The following RPS6KA2 variants were observed in gnomAD, a reference collection of about 807,000 sequenced individuals.
RPS6KA2 encodes the protein ribosomal protein S6 kinase A2.
RPS6KA2 carries 42 observed loss-of-function variants against 91.8 expected under a neutral mutation model. The ratio of observed to expected loss-of-function variants is 0.46; its 90% CI spans 0.36 to 0.59. The LOEUF (loss-of-function observed/expected upper bound fraction) is 0.59. Among genes scored for constraint, RPS6KA2 ranks in the 20% least tolerant of loss-of-function variants. RPS6KA2 has a pLI of 0.00. For synonymous variants in RPS6KA2, 414 were observed against 393.6 expected, an observed-to-expected ratio of 1.05 and a Z score of -0.61; for missense variants, 798 against 978.5, an observed-to-expected ratio of 0.82 and a Z score of 2.46.
rs987888047 is a variant in RPS6KA2, at chr6:166,500,004, G to C, written c.604+883C>G. On this transcript the variant is annotated intron_variant, in intron 7 of 20. Transcript: ENST00000265678. The surrounding 1 kb of genome is among the most constrained non-coding windows in gnomAD (Gnocchi z 4.3). Reference sequence around the variant, plus strand: ...GGGTGTGCCCAACACCATTGCAAGGGTCTTCAGGTTAGGAAGGGAGGCAAG... The same window carrying C: ...GGGTGTGCCCAACACCATTGCAAGGCTCTTCAGGTTAGGAAGGGAGGCAAG... 6.6e-6 allele frequency among the ~76,000 whole-genome samples: 1 copy of C among 152,228 alleles called. No homozygotes were observed. The highest frequency in any genetic ancestry group is 1.5e-5 in the Non-Finnish European group (1 of 68,040).
At chr6:166,571,489 A>C (rs1583289754) in intron 1 of RPS6KA2, among the ~76,000 whole-genome samples, 1 of 152,274 alleles carries the variant, frequency 6.6e-6, no homozygotes, top group African/African-American at 2.4e-5. Context: ...TGAGAACCAC[A>C]AAATAGTGTG....
At chr6:166,623,012 G>A (rs931459744) in intron 1 of RPS6KA2, among the ~76,000 whole-genome samples, 2 of 152,176 alleles carry the variant, frequency 1.3e-5, no homozygotes, top group South Asian at 2.1e-4. Flanking sequence ...TAAATAAAAC[G>A]AAATTCTCCT....
chr6:166,535,823 C>A (rs1189779064), intron 2 of RPS6KA2, among the ~76,000 whole-genome samples: 3 of 152,246 alleles, frequency 2.0e-5, no homozygotes, highest in Non-Finnish European at 2.9e-5. Flanking sequence ...CCACCCATGG[C>A]CCTGCTCTCT....
intron 14 of RPS6KA2, among the ~76,000 whole-genome samples, chr6:166,442,312 C>T (rs1779543172): frequency 2.0e-5 from 3 of 152,322 alleles, no homozygotes; most frequent in East Asian, 1.9e-4. Flanking sequence ...TGGGGCTCCC[C>T]GCCTTATGAC....
intron 12 of RPS6KA2, among the ~76,000 whole-genome samples, chr6:166,457,271 C>G (rs961264943): frequency 7.9e-5 from 12 of 152,232 alleles, no homozygotes; most frequent in African/African-American, 2.7e-4. Context: ...AATATCATGA[C>G]TTGCTTGGGT....
intron 2 of RPS6KA2, among the ~76,000 whole-genome samples, chr6:166,815,758 C>T (rs1779744897): frequency 6.6e-6 from 1 of 152,086 alleles, no homozygotes; most frequent in African/African-American, 2.4e-5. Context: ...AAAGAATTGC[C>T]GGTTGAAGAT....
chr6:166,587,604 G>GAGTCTGCCCTTTTTGA (rs1420184415), intron 1 of RPS6KA2, among the ~76,000 whole-genome samples: 3 of 149,580 alleles, frequency 2.0e-5, no homozygotes, highest in African/African-American at 7.5e-5. Context: ...TTTCTTGAAC[G>GAGTCTGCCCTTTTTGA]AGTCTGCCCT....
In RPS6KA2 at chr6:166,701,980, A is replaced by G. The variant is rs1391371549; in HGVS notation, c.123+156220T>C. Reference sequence around the variant, plus strand: ...TAAGACGGCCAACAAAGTTATTTTGAGCTAAAATCTTCAAGGGGATCTCTT... The same window carrying G: ...TAAGACGGCCAACAAAGTTATTTTGGGCTAAAATCTTCAAGGGGATCTCTT... On this transcript the variant is annotated intron_variant, in intron 2 of 21. Transcript: ENST00000503859. The G allele has an allele frequency of 4.9e-6, 5 of 1,022,958 alleles. No individual in the cohort carries two copies. The Admixed American group carries it at 8.4e-5, about 17-fold the overall frequency. 63.4% of individuals were successfully genotyped at this position (1,022,958 alleles called of 1,614,324 possible). A position where few individuals can be genotyped will look rare whatever the true frequency, so the allele number is the denominator to read the frequency against.
rs1196382061 is a variant in RPS6KA2 at position 166,437,437 on chromosome 6, A to G, written c.1333-4947T>C. Among the ~76,000 whole-genome samples the G allele has an allele frequency of 6.6e-6, 1 of 152,176 alleles. No individual in the cohort carries two copies. Among genetic ancestry groups the G allele is most frequent in the Non-Finnish European group, 1.5e-5 (1 of 68,026 alleles). On this transcript the variant is annotated intron_variant, in intron 14 of 20. Coordinates refer to ENST00000265678, the MANE Select transcript of RPS6KA2 (RefSeq NM_021135.6). This position sits in a 1 kb window ranked among gnomAD's most constrained non-coding sequence, Gnocchi z 4.3. ...CCAGGCTGACGCTCAAATAATGCTG[A>G]CGCGCCACGGAGTAGGAGTGGTGTC...
chr6:166,743,121 A>G (rs554543763), intron 2 of RPS6KA2, among the ~76,000 whole-genome samples: 5 of 152,358 alleles, frequency 3.3e-5, no homozygotes, highest in East Asian at 1.9e-4. Context: ...ATATCTCTCT[A>G]GCAACTGGCC....
intron 1 of RPS6KA2, among the ~76,000 whole-genome samples, chr6:166,605,739 G>C (rs1188135568): frequency 2.0e-5 from 3 of 152,144 alleles, no homozygotes; most frequent in Non-Finnish European, 1.5e-5. Flanking sequence ...ATTCAACTGA[G>C]ATCTTTCAAA....
rs1784222607 is a variant in RPS6KA2 at position 166,557,928 on chromosome 6, G to C, written c.100-19144C>G. On this transcript the variant is annotated intron_variant, in intron 1 of 20. Coordinates refer to ENST00000265678, the MANE Select transcript of RPS6KA2 (RefSeq NM_021135.6). The surrounding 1 kb of genome is among the most constrained non-coding windows in gnomAD (Gnocchi z 4.8). ...AAACCAGTAGGTGATATGTGTGTAT[G>C]TGTGTGGGTGTGGGTGTGTATAGAG... Among the ~76,000 whole-genome samples the C allele has an allele frequency of 1.3e-5, 2 of 152,148 alleles. No homozygotes were observed. The highest frequency in any genetic ancestry group is 2.4e-5 in the African/African-American group (1 of 41,424).
At chr6:166,808,263 T>C (rs1779542772) in intron 2 of RPS6KA2, among the ~76,000 whole-genome samples, 1 of 152,212 alleles carries the variant, frequency 6.6e-6, no homozygotes, top group Admixed American at 6.5e-5. Flanking sequence ...GAGACTCTCC[T>C]ACCCCTACCT....
intron 1 of RPS6KA2, among the ~76,000 whole-genome samples, chr6:166,549,394 G>A (rs924319263): frequency 2.0e-5 from 3 of 152,096 alleles, no homozygotes; most frequent in African/African-American, 7.2e-5. Flanking sequence ...GCAAAAACTC[G>A]AACAGCCCAA....
intron 2 of RPS6KA2, among the ~76,000 whole-genome samples, chr6:166,802,344 T>C (rs1417806569): frequency 6.6e-6 from 1 of 152,044 alleles, no homozygotes; most frequent in African/African-American, 2.4e-5. Context: ...TTTTAGTTCA[T>C]CGTAGTGGCC....
intron 1 of RPS6KA2, among the ~76,000 whole-genome samples, chr6:166,859,615 A>G (rs1780997221): frequency 6.6e-6 from 1 of 152,216 alleles, no homozygotes; most frequent in Non-Finnish European, 1.5e-5. Context: ...GAGAACCACA[A>G]AGACTTTCCC....
At chr6:166,610,294 G>C (rs528609930) in intron 1 of RPS6KA2, among the ~76,000 whole-genome samples, 1 of 152,182 alleles carries the variant, frequency 6.6e-6, no homozygotes, top group South Asian at 2.1e-4. Context: ...ATGGCCTTCC[G>C]CTCCTTTCCC....
At position 166,495,454 on chromosome 6, in the gene RPS6KA2, C is replaced by T. The variant is rs1327046575; in HGVS notation, c.747+3054G>A. ...GAGAGTGCCTGCTGTGTTGACGTGC[C>T]GGGCAGCGCTGGGCCAGGCCTCCTT... On this transcript the variant is annotated intron_variant, in intron 8 of 20. Coordinates refer to ENST00000265678, the MANE Select transcript of RPS6KA2 (RefSeq NM_021135.6). This position sits in a 1 kb window ranked among gnomAD's most constrained non-coding sequence, Gnocchi z 4.4. Among the ~76,000 whole-genome samples the T allele has an allele frequency of 3.3e-5, 5 of 152,106 alleles. No individual in the cohort carries two copies. The highest frequency in any genetic ancestry group is 4.1e-4 in the South Asian group (2 of 4,832).
chr6:166,489,689 C>G (rs1485692743), intron 9 of RPS6KA2, among the ~76,000 whole-genome samples: 1 of 152,112 alleles, frequency 6.6e-6, no homozygotes, highest in African/African-American at 2.4e-5. Flanking sequence ...TTCAAGGTCC[C>G]TTGATGGAGG....
Sources: gnomAD v4.1 joint callset for allele counts (sites outside exome capture counted in the v4.1 genomes callset) on GRCh38, gnomAD v4.1.1 for gene constraint, Gnocchi (gnomAD v3.1) non-coding constraint, MANE v1.5 for transcripts, NCBI Gene and HGNC (gene_info 2026-07-23, HGNC 2026-07-21) for gene names.